Variants in ERGIC1 observed in about 807,000 individuals in gnomAD.
ERGIC1 encodes endoplasmic reticulum-golgi intermediate compartment 1.
A neutral mutation model predicts 38.3 loss-of-function variants in ERGIC1; 19 were observed. The ratio of observed to expected loss-of-function variants is 0.50; its 90% CI spans 0.35 to 0.73. ERGIC1 has a LOEUF of 0.73. Ranked by LOEUF, ERGIC1 falls within the 30% of genes least tolerant of loss-of-function variation. ERGIC1 has a pLI of 0.01. For synonymous variants in ERGIC1, 124 were observed against 157.6 expected (o/e 0.79, Z 1.60); for missense variants, 294 against 389.2 (o/e 0.76, Z 2.06).
intron 5 of ERGIC1, among the ~76,000 whole-genome samples, chr5:172,918,594 T>C (rs1763432957): frequency 6.6e-6 from 1 of 152,168 alleles, no homozygotes; most frequent in African/African-American, 2.4e-5. Flanking sequence ...GCTACCAGGC[T>C]CAGGAAGGCA....
intron 1 of ERGIC1, among the ~76,000 whole-genome samples, chr5:172,879,492 T>A (rs981066362): frequency 6.6e-6 from 1 of 152,244 alleles, no homozygotes; most frequent in Admixed American, 6.5e-5. Context: ...ATAGTGACAC[T>A]TGTACTTACC....
At position 172,834,600 on chromosome 5, in the gene ERGIC1, G is replaced by A. The variant is rs1760988341; in HGVS notation, c.20+167G>A. Among the ~76,000 whole-genome samples the A allele has an allele frequency of 1.4e-5, 1 of 73,564 alleles. No homozygotes were observed. Among genetic ancestry groups the A allele is most frequent in the Non-Finnish European group, 3.0e-5 (1 of 33,402 alleles). The allele number at this position is 73,564 out of a possible 152,430, so 48.3% of individuals were successfully genotyped here. A position where few individuals can be genotyped will look rare whatever the true frequency, so the allele number is the denominator to read the frequency against. Reference sequence around the variant, plus strand: ...GGCGAGCCCCCCCCCTGCCGCACACGAAGCCAGCCAGAGCCGCGGAGGCCC... The same window carrying A: ...GGCGAGCCCCCCCCCTGCCGCACACAAAGCCAGCCAGAGCCGCGGAGGCCC... On this transcript the variant is annotated intron_variant, in intron 1 of 9. Coordinates refer to ENST00000393784, the MANE Select transcript of ERGIC1 (RefSeq NM_001031711.3). This position sits in a 1 kb window ranked among gnomAD's most constrained non-coding sequence, Gnocchi z 4.1.
At chr5:172,916,596 C>T (rs2113418646) in intron 5 of ERGIC1, 3 of 152,382 alleles carry the variant, frequency 2.0e-5, no homozygotes, top group Middle Eastern at 3.4e-3. Flanking sequence ...AAGCCACGTG[C>T]TGGCTAGGGG....
chr5:172,923,068 CAT>C (rs2113449427), intron 5 of ERGIC1, among the ~76,000 whole-genome samples: 1 of 151,490 alleles, frequency 6.6e-6, no homozygotes, highest in South Asian at 2.1e-4. Context: ...CTAGTCTGAG[CAT>C]CTAGGAGGAG....
chr5:172,861,765 T>C (rs1163404568), intron 1 of ERGIC1, among the ~76,000 whole-genome samples: 1 of 152,160 alleles, frequency 6.6e-6, no homozygotes, highest in Non-Finnish European at 1.5e-5. Context: ...ATTGCCAGGA[T>C]AGCCTGGTGC....
rs1446823524 is a variant in ERGIC1, at chr5:172,846,051, A to G, written c.20+11618A>G. 6.6e-6 allele frequency among the ~76,000 whole-genome samples: 1 copy of G among 152,068 alleles called. No homozygotes were observed. The highest frequency in any genetic ancestry group is 2.4e-5 in the African/African-American group (1 of 41,412). On this transcript the variant is annotated intron_variant, in intron 1 of 9. Coordinates refer to ENST00000393784, the MANE Select transcript of ERGIC1 (RefSeq NM_001031711.3). The surrounding 1 kb of genome is among the most constrained non-coding windows in gnomAD (Gnocchi z 4.0). ...TGTTTCTTCCTAAGTGGACAGGGTT[A>G]TGGTTTTGGGGAAGCATCCCCAGAG...
chr5:172,855,609 G>A (rs185748610), intron 1 of ERGIC1, among the ~76,000 whole-genome samples: 16 of 152,328 alleles, frequency 1.1e-4, no homozygotes, highest in Admixed American at 5.9e-4. Context: ...CCAGCCTTGC[G>A]TGGGGTGCGA....
intron 3 of ERGIC1, among the ~76,000 whole-genome samples, chr5:172,904,429 C>T (rs1762967176): frequency 6.6e-6 from 1 of 152,138 alleles, no homozygotes; most frequent in East Asian, 1.9e-4. Context: ...AACTGAGGCT[C>T]AGAGAGGTGA....
chr5:172,914,906 A>G, intron 5 of ERGIC1, 68 bp downstream of exon 5: 2 of 1,607,158 alleles, frequency 1.2e-6, no homozygotes, highest in Non-Finnish European at 1.7e-6. Flanking sequence ...CTCCCTGGAA[A>G]CTGGTTGTGG....
At chr5:172,896,784 T>C (rs1762733115) in intron 2 of ERGIC1, among the ~76,000 whole-genome samples, 1 of 152,174 alleles carries the variant, frequency 6.6e-6, no homozygotes, top group Admixed American at 6.5e-5. Context: ...ATTGCTCATG[T>C]CGGCAGGTTG....
intron 9 of ERGIC1, among the ~76,000 whole-genome samples, chr5:172,946,269 C>T (rs930763089): frequency 3.3e-5 from 5 of 152,210 alleles, no homozygotes; most frequent in South Asian, 2.1e-4. Flanking sequence ...CTAAGTGTCA[C>T]GACTGCAATT....
chr5:172,867,281 C>A (rs779627197), intron 1 of ERGIC1: 2 of 425,336 alleles, frequency 4.7e-6, no homozygotes, highest in South Asian at 3.3e-5. Flanking sequence ...TGGGTACAGG[C>A]GGGGGTGGTG....
chr5:172,906,340 C>T (rs1469237802), intron 3 of ERGIC1, among the ~76,000 whole-genome samples: 3 of 152,094 alleles, frequency 2.0e-5, no homozygotes, highest in South Asian at 2.1e-4. Context: ...CATGTGACTC[C>T]GGGGATGGGA....
intron 1 of ERGIC1, among the ~76,000 whole-genome samples, chr5:172,858,685 T>A (rs1384135996): frequency 1.3e-5 from 2 of 152,214 alleles, no homozygotes; most frequent in Non-Finnish European, 2.9e-5. Flanking sequence ...TAGGCCCTAC[T>A]GCGTACCTGG....
intron 9 of ERGIC1, among the ~76,000 whole-genome samples, chr5:172,939,314 T>A (rs1763956666): frequency 6.6e-6 from 1 of 152,118 alleles, no homozygotes; most frequent in African/African-American, 2.4e-5. Flanking sequence ...GAGGGCGCCA[T>A]CCCCTTTGTT....
chr5:172,840,590 G>C (rs549265881), intron 1 of ERGIC1, among the ~76,000 whole-genome samples: 16 of 152,248 alleles, frequency 1.1e-4, no homozygotes, highest in African/African-American at 3.9e-4. Flanking sequence ...GTCGGGTGGC[G>C]GTGGAGAGCC....
intron 1 of ERGIC1, among the ~76,000 whole-genome samples, chr5:172,845,286 C>G (rs549674230): frequency 8.7e-4 from 132 of 152,266 alleles, no homozygotes; most frequent in African/African-American, 3.0e-3. Flanking sequence ...GCCCTGGTTG[C>G]TGGAGAGGAG....
intron 5 of ERGIC1, chr5:172,920,574 C>T (rs777373803): frequency 5.5e-5 from 35 of 633,780 alleles, no homozygotes; most frequent in Non-Finnish European, 8.1e-5. Context: ...GCTCTAAAAG[C>T]GTTGCTGTTT....
chr5:172,843,996 T>C (rs750703025), intron 1 of ERGIC1, among the ~76,000 whole-genome samples: 2 of 152,220 alleles, frequency 1.3e-5, no homozygotes, highest in African/African-American at 2.4e-5. Context: ...CATAGTCCTG[T>C]GCACCTCACC....
Sources: allele counts gnomAD v4.1 joint callset (sites outside exome capture counted in the v4.1 genomes callset), GRCh38; gene constraint gnomAD v4.1.1; non-coding constraint Gnocchi (gnomAD v3.1); transcripts MANE v1.5; gene names NCBI Gene and HGNC (gene_info 2026-07-23, HGNC 2026-07-21).